Variants in VPS13B observed in about 807,000 individuals in gnomAD.
VPS13B encodes vacuolar protein sorting 13 homolog B.
A neutral mutation model predicts 426.4 loss-of-function variants in VPS13B; 285 were observed. That is an observed-to-expected ratio of 0.67 (90% CI 0.61 to 0.74). The LOEUF (loss-of-function observed/expected upper bound fraction) is 0.74. Ranked by LOEUF, VPS13B falls within the 30% of genes least tolerant of loss-of-function variation. The pLI is 0.00. For synonymous variants in VPS13B, 1,676 were observed against 1,676.4 expected, an observed-to-expected ratio of 1.00 and a Z score of 0.01; for missense variants, 4,537 against 4,782.6, an observed-to-expected ratio of 0.95 and a Z score of 1.51.
At chr8:99,206,799 A>G (rs1216166408) in intron 17 of VPS13B, among the ~76,000 whole-genome samples, 1 of 152,158 alleles carries the variant, frequency 6.6e-6, no homozygotes, top group African/African-American at 2.4e-5. Flanking sequence ...AGATTGAGGT[A>G]TATTGATATG....
chr8:99,550,077 A>G (rs1221553060), intron 30 of VPS13B, among the ~76,000 whole-genome samples: 6 of 152,060 alleles, frequency 3.9e-5, no homozygotes, highest in Admixed American at 6.6e-5. Flanking sequence ...CCAGGGACCT[A>G]TTATTCTTAG....
intron 39 of VPS13B, among the ~76,000 whole-genome samples, chr8:99,752,827 C>T (rs1296830982): frequency 6.6e-6 from 1 of 152,074 alleles, no homozygotes; most frequent in Non-Finnish European, 1.5e-5. Flanking sequence ...ATGATTACAC[C>T]TTTTTAGCTT....
chr8:99,374,362 C>T (rs1352229355), intron 19 of VPS13B, among the ~76,000 whole-genome samples: 2 of 151,820 alleles, frequency 1.3e-5, no homozygotes, highest in African/African-American at 4.8e-5. Context: ...CTAATATTTT[C>T]ATTTCACTCT....
rs1254633467 is a variant in VPS13B, at chr8:99,778,830, A to T, written c.7578A>T (p.Gln2526His). The T allele has an allele frequency of 1.2e-6, 2 of 1,613,934 alleles. No homozygotes were observed. Among genetic ancestry groups the T allele is most frequent in the Non-Finnish European group, 1.7e-6 (2 of 1,179,940 alleles). Residue 2526 changes from glutamine (Q) to histidine (H), a missense_variant, in exon 42 of 62, where the codon CAA becomes CAT. By Grantham distance (24) the Gln-to-His change is conservative (BLOSUM62 0). Around this residue, in one of 2 missense-constraint regions of VPS13B, gnomAD observed 4,311 missense variants for 4,474.3 expected, o/e 0.96. Transcript: ENST00000357162. The part of the protein sequence containing the change: ...SVCQEIQFLA[Q>H]ADCKLLECRN... Reference sequence around the variant, plus strand: ...GTCAGGAGATCCAGTTCTTAGCTCAAGCAGACTGTAAACTTCTAGAGTGCA... The same window carrying T: ...GTCAGGAGATCCAGTTCTTAGCTCATGCAGACTGTAAACTTCTAGAGTGCA...
chr8:99,737,810 A>T (rs1439817342), intron 39 of VPS13B, among the ~76,000 whole-genome samples: 1 of 152,232 alleles, frequency 6.6e-6, no homozygotes, highest in Non-Finnish European at 1.5e-5. Context: ...CAGCTAAATC[A>T]TATGTTGGTT....
At chr8:99,359,828 G>T (rs1031319557) in intron 19 of VPS13B, among the ~76,000 whole-genome samples, 1 of 152,080 alleles carries the variant, frequency 6.6e-6, no homozygotes, top group East Asian at 1.9e-4. Context: ...AAGAAAACAG[G>T]ATCTCTCTCT....
At chr8:99,767,858 G>T (rs560648320) in intron 40 of VPS13B, among the ~76,000 whole-genome samples, 39 of 152,228 alleles carry the variant, frequency 2.6e-4, no homozygotes, top group Non-Finnish European at 5.0e-4. Flanking sequence ...GAGCCCCGGA[G>T]GGTGAGGTTG....
intron 7 of VPS13B, among the ~76,000 whole-genome samples, chr8:99,117,705 A>G (rs144414835): frequency 3.3e-5 from 5 of 152,354 alleles, no homozygotes; most frequent in African/African-American, 1.2e-4. Context: ...GATAATACAT[A>G]TGATATGATT....
At chr8:99,472,399 A>C (rs780581851) in intron 24 of VPS13B, among the ~76,000 whole-genome samples, 1 of 151,996 alleles carries the variant, frequency 6.6e-6, no homozygotes, top group African/African-American at 2.4e-5. Flanking sequence ...AATTAATAAT[A>C]ATAAAATAGC....
chr8:99,292,968 G>A (rs999274858), intron 19 of VPS13B, among the ~76,000 whole-genome samples: 6 of 152,108 alleles, frequency 3.9e-5, no homozygotes, highest in African/African-American at 1.2e-4. Context: ...ATAGCATGGA[G>A]TGAAGACTAT....
At chr8:99,198,998 T>A (rs1291232469) in intron 17 of VPS13B, among the ~76,000 whole-genome samples, 1 of 152,204 alleles carries the variant, frequency 6.6e-6, no homozygotes, top group Non-Finnish European at 1.5e-5. Context: ...CTGAGGACTC[T>A]CATTACATAG....
In VPS13B at chr8:99,209,675, G is replaced by A. The variant is rs953524478; in HGVS notation, c.2515+16618G>A. On this transcript the variant is annotated intron_variant, in intron 17 of 61. Coordinates refer to ENST00000357162, the MANE Select transcript of VPS13B (RefSeq NM_152564.5). ...TCCCACCTCAACCTCCTGAAGTGCC[G>A]GGATTGGAGGCCCAAGCCACTGTGC... is the stretch of plus-strand genomic sequence containing the variant. The A allele has an allele frequency of 2.7e-5, 25 of 919,330 alleles. No homozygotes were observed. The highest frequency in any genetic ancestry group is 2.5e-4 in the African/African-American group (14 of 55,516). 56.9% of individuals were successfully genotyped at this position (919,330 alleles called of 1,614,324 possible).
chr8:99,071,665 G>A (rs1027044957), intron 3 of VPS13B, among the ~76,000 whole-genome samples: 1 of 152,168 alleles, frequency 6.6e-6, no homozygotes, highest in Admixed American at 6.5e-5. Flanking sequence ...AGAGTGGCAA[G>A]TTCTCCTGTA....
intron 16 of VPS13B, among the ~76,000 whole-genome samples, chr8:99,184,738 C>A (rs1282058854): frequency 6.6e-6 from 1 of 152,144 alleles, no homozygotes; most frequent in Non-Finnish European, 1.5e-5. Flanking sequence ...CACCTGTAAT[C>A]CTAGCACTTT....
At chr8:99,338,683 A>G (rs1301909481) in intron 19 of VPS13B, among the ~76,000 whole-genome samples, 13 of 152,150 alleles carry the variant, frequency 8.5e-5, no homozygotes. Flanking sequence ...TTGCTTATAC[A>G]TGGAAGCATT....
In VPS13B at chr8:99,423,514, C is replaced by G. The variant is rs573089385; in HGVS notation, c.3083-8023C>G. Among the ~76,000 whole-genome samples the G allele has an allele frequency of 3.7e-3, 557 of 151,872 alleles. 3 individuals carry two copies. The highest frequency in any genetic ancestry group is 6.2e-3 in the Non-Finnish European group (420 of 67,922). The stretch of plus-strand genomic sequence containing the variant: ...AACTCCTGACCTACAGTGATCCACC[C>G]ACTTCAGCCTCCCAAAGTGCTGGGA... On this transcript the variant is annotated intron_variant, in intron 21 of 61. Coordinates refer to ENST00000357162, the MANE Select transcript of VPS13B (RefSeq NM_152564.5).
At chr8:99,130,258 G>C (rs1004608627) in intron 8 of VPS13B, among the ~76,000 whole-genome samples, 1 of 152,058 alleles carries the variant, frequency 6.6e-6, no homozygotes, top group African/African-American at 2.4e-5. Flanking sequence ...TCATATTTTT[G>C]TTAAGAAAAC....
rs114346278 is a variant in VPS13B at position 99,635,002 on chromosome 8, A to G, written c.5221-6809A>G. On this transcript the variant is annotated intron_variant, in intron 33 of 61. Transcript: ENST00000357162. ...TTATATAAAGCTTCCAGTGTAGATT[A>G]TCTCTGTTAAAAGCATGCGACAGCC... Among the ~76,000 whole-genome samples, 610 of 150,818 alleles carry G rather than the reference A, an allele frequency of 4.0e-3. 3 individuals carry two copies. Among genetic ancestry groups the G allele is most frequent in the African/African-American group, 0.014 (588 of 41,126 alleles).
chr8:99,144,488 CA>C (rs34556724), intron 13 of VPS13B, among the ~76,000 whole-genome samples: 4,019 of 91,976 alleles, frequency 0.044, 54 homozygotes, highest in Middle Eastern at 0.13. Context: ...GACCCTGTTT[CA>C]AAAAAAAAAA....
Sources: allele counts gnomAD v4.1 joint callset (sites outside exome capture counted in the v4.1 genomes callset), GRCh38; gene constraint gnomAD v4.1.1; regional missense constraint gnomAD v4.1.1; transcripts MANE v1.5; gene names NCBI Gene and HGNC (gene_info 2026-07-23, HGNC 2026-07-21).